TRIQK: variants seen among roughly 807,000 people sequenced by gnomAD.
The protein encoded by TRIQK is triple QxxK/R motif containing.
In TRIQK, 10 loss-of-function variants were observed where a neutral mutation model predicts 10.8. That is an observed-to-expected ratio of 0.92 (90% CI 0.57 to 1.57). TRIQK has a LOEUF of 1.57. Ranked by LOEUF, TRIQK falls within the 40% of genes most tolerant of loss-of-function variation. The probability of loss-of-function intolerance (pLI) is 0.00; values close to 1 mark genes in which losing one functional copy is unlikely to be tolerated. For missense variants in TRIQK, 107 were observed against 97.7 expected (o/e 1.09, Z -0.40); for synonymous variants, 33 against 33.7 (o/e 0.98, Z 0.07).
rs1345540124 is a variant in TRIQK at position 92,954,490 on chromosome 8, T to C, written c.-106A>G. On this transcript the variant is annotated 5_prime_UTR_variant, in exon 2 of 5. Transcript: ENST00000521988. ...ATGTTTCCAAAGCCAAGGTCTTTAGTTAGGTAGCAGTGCTTGCATTCCTGG... is the reference window on the plus strand; with the variant it reads ...ATGTTTCCAAAGCCAAGGTCTTTAGCTAGGTAGCAGTGCTTGCATTCCTGG... 1 of 151,920 alleles carries C rather than the reference T, an allele frequency of 6.6e-6. No individual in the cohort carries two copies. The highest frequency in any genetic ancestry group is 1.9e-4 in the East Asian group (1 of 5,182). The allele number at this position is 151,920 out of a possible 1,614,324, so 9.4% of individuals were successfully genotyped here.
Position 92,898,341 on chromosome 8 carries a change from G to A in TRIQK, c.62-6267C>T, listed in dbSNP as rs144175379. Among the ~76,000 whole-genome samples the A allele has an allele frequency of 2.0e-4, 30 of 152,114 alleles. No homozygotes were observed. The East Asian group carries it at 3.9e-3, about 20-fold the overall frequency. ...AGTGGCTGCTACGCTAACGTTTTCC[G>A]TAACTACTGTAGTTGAAAGGCTAAA... On this transcript the variant is annotated intron_variant, in intron 3 of 4. Transcript: ENST00000521988.
intron 1 of TRIQK, among the ~76,000 whole-genome samples, chr8:92,986,560 G>C (rs1176240926): frequency 2.0e-5 from 3 of 152,074 alleles, no homozygotes; most frequent in South Asian, 2.1e-4. Flanking sequence ...TATAACTCAT[G>C]TTCTGTGAGT....
At chr8:92,937,277 T>A (rs1280926356) in intron 2 of TRIQK, among the ~76,000 whole-genome samples, 1 of 151,558 alleles carries the variant, frequency 6.6e-6, no homozygotes, top group South Asian at 2.1e-4. Flanking sequence ...CAATATTATT[T>A]AGGGAAAAAT....
rs1051209162 is a variant in TRIQK at position 92,885,035 on chromosome 8, A to T, written c.*1587T>A. ...TGGATTGGTCCGCTGTGGTGAGTATATAAGAACTCTTGGTCTGTCTCTTGA... is the reference window on the plus strand; with the variant it reads ...TGGATTGGTCCGCTGTGGTGAGTATTTAAGAACTCTTGGTCTGTCTCTTGA... On this transcript the variant is annotated 3_prime_UTR_variant, in exon 5 of 5. Coordinates refer to ENST00000521988, the MANE Select transcript of TRIQK (RefSeq NM_001171797.2). 1 of 455,842 alleles carries T rather than the reference A, an allele frequency of 2.2e-6. No individual in the cohort carries two copies. The highest frequency in any genetic ancestry group is 4.4e-6 in the Non-Finnish European group (1 of 226,434). 28.2% of individuals were successfully genotyped at this position (455,842 alleles called of 1,614,324 possible).
intron 1 of TRIQK, among the ~76,000 whole-genome samples, chr8:92,990,894 C>T (rs533575874): frequency 2.6e-4 from 40 of 152,098 alleles, no homozygotes; most frequent in Non-Finnish European, 4.6e-4. Context: ...GGAATGACAG[C>T]GAGACAGAAC....
At chr8:92,919,236 T>G (rs1056149758) in intron 2 of TRIQK, among the ~76,000 whole-genome samples, 1 of 151,934 alleles carries the variant, frequency 6.6e-6, no homozygotes, top group East Asian at 1.9e-4. Context: ...ATTTTAGGAT[T>G]GTTCTTTAGG....
At chr8:92,946,958 G>C (rs1315977209) in intron 2 of TRIQK, among the ~76,000 whole-genome samples, 1 of 151,094 alleles carries the variant, frequency 6.6e-6, no homozygotes, top group Admixed American at 6.6e-5. Flanking sequence ...GTAGAGATGG[G>C]GTTTCACCGT....
chr8:92,993,766 C>T (rs760548311), intron 1 of TRIQK, among the ~76,000 whole-genome samples: 1 of 152,124 alleles, frequency 6.6e-6, no homozygotes, highest in Non-Finnish European at 1.5e-5. Flanking sequence ...TCTGGGAGAT[C>T]GAGAATGATG....
intron 1 of TRIQK, chr8:92,973,691 T>A (rs1812899453): frequency 6.6e-6 from 1 of 152,082 alleles, no homozygotes; most frequent in South Asian, 2.1e-4. Flanking sequence ...AAAACATTAG[T>A]AAGGATAACA....
At chr8:92,900,247 A>T (rs1027038402) in intron 3 of TRIQK, among the ~76,000 whole-genome samples, 2 of 151,994 alleles carry the variant, frequency 1.3e-5, no homozygotes, top group Non-Finnish European at 2.9e-5. Flanking sequence ...GAGCTTTTTA[A>T]TATGATGTAA....
At chr8:92,979,616 T>A (rs988063394) in intron 1 of TRIQK, among the ~76,000 whole-genome samples, 3 of 152,108 alleles carry the variant, frequency 2.0e-5, no homozygotes, top group Non-Finnish European at 2.9e-5. Context: ...TTACTTTTTT[T>A]AATATCTTAT....
chr8:92,907,057 G>A (rs1809307970), intron 3 of TRIQK, among the ~76,000 whole-genome samples: 1 of 152,086 alleles, frequency 6.6e-6, no homozygotes, highest in African/African-American at 2.4e-5. Flanking sequence ...CATGAAAATG[G>A]GAGAGAAAGA....
intron 1 of TRIQK, among the ~76,000 whole-genome samples, chr8:93,006,583 T>C (rs755228404): frequency 4.6e-5 from 7 of 152,046 alleles, no homozygotes; most frequent in Non-Finnish European, 7.4e-5. Flanking sequence ...TCACTGAGGC[T>C]ACCTGCTGTC....
chr8:93,011,961 A>G (rs1291539691), intron 1 of TRIQK, among the ~76,000 whole-genome samples: 1 of 152,202 alleles, frequency 6.6e-6, no homozygotes, highest in Non-Finnish European at 1.5e-5. Context: ...AGAGTACAAG[A>G]TACAGATAGA....
At chr8:93,000,680 T>C (rs1252433609) in intron 1 of TRIQK, among the ~76,000 whole-genome samples, 2 of 152,138 alleles carry the variant, frequency 1.3e-5, no homozygotes, top group African/African-American at 2.4e-5. Flanking sequence ...ATAATATAAA[T>C]TGTGGGAAAA....
Position 92,889,494 on chromosome 8 carries a change from T to C in TRIQK, c.147+2495A>G, listed in dbSNP as rs932186712. ...TTTTTAAAACTTTATAACACTAATATCCATAATACTACCTCCAAAGCCAAT... is the reference window on the plus strand; with the variant it reads ...TTTTTAAAACTTTATAACACTAATACCCATAATACTACCTCCAAAGCCAAT... On this transcript the variant is annotated intron_variant, in intron 4 of 4. Coordinates refer to ENST00000521988, the MANE Select transcript of TRIQK (RefSeq NM_001171797.2). Among the ~76,000 whole-genome samples, 26 of 151,572 alleles carry C rather than the reference T, an allele frequency of 1.7e-4. 1 individual carries two copies. Among genetic ancestry groups the C allele is most frequent in the Admixed American group, 1.7e-3 (25 of 15,146 alleles).
At chr8:92,960,997 A>G (rs998377036) in intron 1 of TRIQK, among the ~76,000 whole-genome samples, 2 of 152,130 alleles carry the variant, frequency 1.3e-5, no homozygotes, top group African/African-American at 4.8e-5. Flanking sequence ...TTATTTTTAC[A>G]TGAAGTTCTC....
At chr8:93,006,222 G>A (rs1813269900) in intron 1 of TRIQK, among the ~76,000 whole-genome samples, 1 of 152,072 alleles carries the variant, frequency 6.6e-6, no homozygotes. Context: ...CTAGAAGAAC[G>A]AAAACAGCAA....
intron 1 of TRIQK, among the ~76,000 whole-genome samples, chr8:92,982,625 C>T (rs1186562234): frequency 6.6e-6 from 1 of 151,902 alleles, no homozygotes; most frequent in Admixed American, 6.6e-5. Flanking sequence ...AAATATTTTG[C>T]TATTGTTAAA....
Sources: gnomAD v4.1 joint callset for allele counts (sites outside exome capture counted in the v4.1 genomes callset) on GRCh38, gnomAD v4.1.1 for gene constraint, MANE v1.5 for transcripts, NCBI Gene and HGNC (gene_info 2026-07-23, HGNC 2026-07-21) for gene names.